Variants in ZNF783 observed in about 807,000 individuals in gnomAD.
The protein encoded by ZNF783 is zinc finger protein 783.
ZNF783 carries 25 observed loss-of-function variants against 31.3 expected under a neutral mutation model. That is an observed-to-expected ratio of 0.80 (90% CI 0.58 to 1.11). The LOEUF (loss-of-function observed/expected upper bound fraction) is 1.11. Among genes scored for constraint, ZNF783 ranks in the 50% most tolerant of loss-of-function variants. The pLI is 0.00. For synonymous variants in ZNF783, 369 were observed against 319.1 expected (o/e 1.16, Z -1.66); for missense variants, 797 against 760.0 (o/e 1.05, Z -0.57).
intron 1 of ZNF783, among the ~76,000 whole-genome samples, chr7:149,263,898 GAA>G (rs1356615023): frequency 3.3e-5 from 5 of 152,140 alleles, no homozygotes; most frequent in African/African-American, 1.2e-4. Flanking sequence ...GCAAGGGAGA[GAA>G]AAAGCGTTGA....
chr7:149,278,273 A>G (rs1373094469), intron 4 of ZNF783, 126 bp from the exon 5 acceptor site: 4 of 1,491,998 alleles, frequency 2.7e-6, no homozygotes, highest in Middle Eastern at 1.7e-4. Context: ...CCACCTCACT[A>G]TCATGCCCTG....
intron 4 of ZNF783, 62 bp from the exon 5 acceptor site, chr7:149,278,337 C>A: frequency 5.7e-6 from 9 of 1,590,122 alleles, no homozygotes; most frequent in Non-Finnish European, 6.0e-6. Context: ...CCAGAGGGTC[C>A]CTGGTCATCT....
At position 149,281,951 on chromosome 7, in the gene ZNF783, C is replaced by T. The variant is rs778948398; in HGVS notation, c.1249C>T (p.Arg417Cys). 1.3e-5 allele frequency: 21 copies of T among 1,562,772 alleles called. No homozygotes were observed. The highest frequency in any genetic ancestry group is 1.2e-4 in the South Asian group (10 of 85,766). ...RWLPEEPEGR[R>C]SVAGGRALVG... ...GCTCCCCGAGGAGCCTGAGGGTCGC[C>T]GCTCCGTGGCAGGGGGCCGTGCCTT... The change falls in exon 6 of 6, where the codon CGC (arginine) becomes TGC (cysteine). Residue 417 changes from arginine to cysteine, a missense_variant. Coordinates refer to ENST00000434415, the MANE Select transcript of ZNF783 (RefSeq NM_001195220.2).
chr7:149,276,808 A>G (rs1286331951), intron 4 of ZNF783: 2 of 169,150 alleles, frequency 1.2e-5, no homozygotes, highest in Non-Finnish European at 1.2e-5. Context: ...ACTAGCAGGG[A>G]CTGCAGTCAT....
chr7:149,272,684 C>T (rs1475756268), intron 4 of ZNF783, among the ~76,000 whole-genome samples: 2 of 151,834 alleles, frequency 1.3e-5, no homozygotes, highest in African/African-American at 4.8e-5. Context: ...GTAATAATGA[C>T]CTCAGGGTAA....
At chr7:149,263,296 GTGTGTGTGTATA>G (rs1229353033) in intron 1 of ZNF783, among the ~76,000 whole-genome samples, 251 of 71,078 alleles carry the variant, frequency 3.5e-3, no homozygotes, top group African/African-American at 0.012. Flanking sequence ...GTGTGTGTGT[GTGTGTGTGTATA>G]TATATATATA....
At chr7:149,280,177 C>T (rs6974161) in intron 5 of ZNF783, among the ~76,000 whole-genome samples, 3,858 of 136,972 alleles carry the variant, frequency 0.028, 60 homozygotes, top group African/African-American at 0.054. Context: ...CCGGACGGGG[C>T]GGCTGGCCGG....
chr7:149,267,687 C>T (rs1283273513), intron 4 of ZNF783, among the ~76,000 whole-genome samples: 2 of 152,048 alleles, frequency 1.3e-5, no homozygotes, highest in South Asian at 2.1e-4. Flanking sequence ...GTCCCAGCTA[C>T]TCGGGAGGCT....
intron 1 of ZNF783, among the ~76,000 whole-genome samples, chr7:149,263,353 A>C (rs1796990879): frequency 7.2e-6 from 1 of 139,156 alleles, no homozygotes. Context: ...TCTCACTCTC[A>C]CCCAGGGTGG....
intron 4 of ZNF783, among the ~76,000 whole-genome samples, chr7:149,270,546 T>C (rs947490311): frequency 6.6e-6 from 1 of 152,264 alleles, no homozygotes; most frequent in Non-Finnish European, 1.5e-5. Context: ...CTTCTTTTTT[T>C]TCCTGAGTTA....
In ZNF783 at chr7:149,281,766, G is replaced by A. The variant is rs761954014; in HGVS notation, c.1064G>A (p.Gly355Glu). Residue 355 changes from glycine (G) to glutamate (E), a missense_variant, in exon 6 of 6, where the codon GGG becomes GAG. By Grantham distance (98) the Gly-to-Glu change is moderately conservative. Transcript: ENST00000434415. ...CGGGCATTCCCCTGCCCCGACTGCG[G>A]GCAGAGCTTCCGCCTGAAGATCAAT... ...RQRAFPCPDC[G>E]QSFRLKINLT... 1.1e-5 allele frequency: 16 copies of A among 1,500,586 alleles called. No homozygotes were observed. The highest frequency in any genetic ancestry group is 5.6e-5 in the African/African-American group (4 of 70,862). The allele number at this position is 1,500,586 out of a possible 1,614,324, so 93.0% of individuals were successfully genotyped here.
At chr7:149,268,075 A>G (rs557517476) in intron 4 of ZNF783, among the ~76,000 whole-genome samples, 76 of 152,310 alleles carry the variant, frequency 5.0e-4, no homozygotes, top group African/African-American at 1.3e-3. Flanking sequence ...TTATTTTTTC[A>G]ATTAAATTTT....
At chr7:149,263,265 C>CGTGTGTGTGTGT (rs56067256) in intron 1 of ZNF783, among the ~76,000 whole-genome samples, 2 of 121,402 alleles carry the variant, frequency 1.6e-5, no homozygotes, top group African/African-American at 3.2e-5. Context: ...TATATATATA[C>CGTGTGTGTGTGT]GTGTGTGTGT....
In ZNF783 at chr7:149,266,473, A is replaced by G. The variant is rs1797068673; in HGVS notation, c.163A>G (p.Lys55Glu). 1.2e-6 allele frequency: 2 copies of G among 1,611,322 alleles called. No individual in the cohort carries two copies. The highest frequency in any genetic ancestry group is 1.7e-6 in the Non-Finnish European group (2 of 1,179,976). Residue 55 changes from lysine to glutamate, a missense_variant, in exon 2 of 6, where the codon AAG becomes GAG. Lys to Glu is a moderately conservative substitution (Grantham distance 56). Transcript: ENST00000434415. ...TVVAAIQALE[K>E]KVDSCLTRLL... is the part of the protein sequence containing the mutation. ...GGTGGCCGCCATTCAGGCCTTGGAG[A>G]AGAAGGTGGATTCCTGCCTGACCCG...
At chr7:149,267,665 C>T (rs1378505115) in intron 4 of ZNF783, among the ~76,000 whole-genome samples, 9 of 152,104 alleles carry the variant, frequency 5.9e-5, no homozygotes, top group Non-Finnish European at 1.3e-4. Flanking sequence ...GGCGTGGTGG[C>T]AGGCGCCTGT....
chr7:149,273,449 T>C (rs1042478732), intron 4 of ZNF783, among the ~76,000 whole-genome samples: 1 of 152,178 alleles, frequency 6.6e-6, no homozygotes, highest in Admixed American at 6.5e-5. Context: ...ACATCTTAAC[T>C]GGGATGAGAT....
At chr7:149,281,380 A>G (rs1797460334) in intron 5 of ZNF783, 125 bp from the exon 6 acceptor site, 1 of 730,020 alleles carries the variant, frequency 1.4e-6, no homozygotes, top group Non-Finnish European at 2.0e-6. Context: ...GGACCCCTGC[A>G]ATGTGCTGTG....
intron 1 of ZNF783, among the ~76,000 whole-genome samples, chr7:149,264,701 T>C (rs910302894): frequency 2.0e-5 from 3 of 151,922 alleles, no homozygotes; most frequent in Admixed American, 1.3e-4. Context: ...GGTGAAAGCC[T>C]GTCTCTACTG....
intron 5 of ZNF783, 48 bp downstream of exon 5, chr7:149,278,575 C>A (rs1563198624): frequency 6.3e-7 from 1 of 1,596,246 alleles, no homozygotes; most frequent in East Asian, 2.2e-5. Flanking sequence ...CCCGAGGCAG[C>A]ACGCGATCAC....
Sources: allele counts gnomAD v4.1 joint callset (sites outside exome capture counted in the v4.1 genomes callset), GRCh38; gene constraint gnomAD v4.1.1; transcripts MANE v1.5; gene names NCBI Gene and HGNC (gene_info 2026-07-23, HGNC 2026-07-21).